Variants in HDGFL2 observed in about 807,000 individuals in gnomAD.
HDGFL2 encodes the protein hepatoma-derived growth factor-related protein 2.
Under a neutral mutation model 77.1 loss-of-function variants are expected in HDGFL2, and 36 were observed. The observed-to-expected ratio is 0.47, with a 90% CI of 0.36 to 0.62. The LOEUF is 0.62. Among genes scored for constraint, HDGFL2 ranks in the 20% least tolerant of loss-of-function variants. HDGFL2 has a pLI of 0.00. For synonymous variants in HDGFL2, 463 were observed against 413.1 expected, an observed-to-expected ratio of 1.12 and a Z score of -1.46; for missense variants, 976 against 973.4, an observed-to-expected ratio of 1.00 and a Z score of -0.04.
At chr19:4,484,088 CTTTT>C (rs577665698) in intron 3 of HDGFL2, among the ~76,000 whole-genome samples, 2 of 122,674 alleles carry the variant, frequency 1.6e-5, no homozygotes, top group Non-Finnish European at 1.7e-5. Context: ...TGCACCCGGC[CTTTT>C]TTTTTTTTTT....
Position 4,472,348 on chromosome 19 carries a change from A to G in HDGFL2, c.-3A>G. On this transcript the variant is annotated 5_prime_UTR_variant, in exon 1 of 16. Coordinates refer to ENST00000616600, the MANE Select transcript of HDGFL2 (RefSeq NM_001001520.3). ...TCCGCGGCCTGGGCCTCTCGCCGTCAGCATGCCACACGCCTTCAAGCCCGG... is the reference window on the plus strand; with the variant it reads ...TCCGCGGCCTGGGCCTCTCGCCGTCGGCATGCCACACGCCTTCAAGCCCGG... 1 of 1,514,706 alleles carries G rather than the reference A, an allele frequency of 6.6e-7. No homozygotes were observed. Among genetic ancestry groups the G allele is most frequent in the Non-Finnish European group, 8.8e-7 (1 of 1,132,438 alleles). The allele number at this position is 1,514,706 out of a possible 1,614,324, so 93.8% of individuals were successfully genotyped here. A position where few individuals can be genotyped will look rare whatever the true frequency, so the allele number is the denominator to read the frequency against.
intron 1 of HDGFL2, among the ~76,000 whole-genome samples, chr19:4,474,304 AG>A (rs2145146800): frequency 1.3e-5 from 2 of 152,194 alleles, no homozygotes; most frequent in South Asian, 4.1e-4. Context: ...TGGGCCTCGG[AG>A]GACCGTGGGC....
chr19:4,475,934 G>T (rs1358972456), intron 3 of HDGFL2, among the ~76,000 whole-genome samples: 1 of 151,562 alleles, frequency 6.6e-6, no homozygotes, highest in African/African-American at 2.4e-5. Context: ...CTGTTGTCCA[G>T]GATGGAGTGC....
chr19:4,496,837 T>A (rs1041204251), intron 10 of HDGFL2: 5 of 388,808 alleles, frequency 1.3e-5, no homozygotes, highest in African/African-American at 1.1e-4. Context: ...GGTCCCCCTG[T>A]GGTGGGCAGA....
At chr19:4,490,024 C>A (rs762643342) in intron 4 of HDGFL2, among the ~76,000 whole-genome samples, 8 of 152,172 alleles carry the variant, frequency 5.3e-5, no homozygotes, top group Non-Finnish European at 1.2e-4. Flanking sequence ...GTCCGCCTTC[C>A]TTCACCAAGC....
At chr19:4,496,191 G>T (rs1975696448) in intron 9 of HDGFL2, 111 bp from the exon 10 acceptor site, 1 of 848,590 alleles carries the variant, frequency 1.2e-6, no homozygotes. Flanking sequence ...TTCAAACAGT[G>T]TGGAGGGCGA....
intron 1 of HDGFL2, among the ~76,000 whole-genome samples, chr19:4,473,020 T>TG (rs1974985010): frequency 6.9e-6 from 1 of 145,024 alleles, no homozygotes. Flanking sequence ...CCTGGGAGTC[T>TG]GGGGGTATCC....
At chr19:4,497,355 A>C in intron 10 of HDGFL2, 1 of 322,086 alleles carries the variant, frequency 3.1e-6, no homozygotes, top group Non-Finnish European at 6.1e-6. Flanking sequence ...GTGCCACCAC[A>C]CCCGGCTAAT....
At chr19:4,491,454 G>A (rs546469747) in intron 4 of HDGFL2, 112 bp from the exon 5 acceptor site, 13 of 846,824 alleles carry the variant, frequency 1.5e-5, no homozygotes, top group African/African-American at 6.8e-5. Flanking sequence ...TTCCTGGCCC[G>A]CCAGAGAGGT....
intron 3 of HDGFL2, among the ~76,000 whole-genome samples, chr19:4,481,687 C>T (rs2145166514): frequency 6.7e-6 from 1 of 150,342 alleles, no homozygotes; most frequent in South Asian, 2.1e-4. Context: ...GAACTCTTGA[C>T]CTCAGGCAGT....
At chr19:4,495,010 T>C (rs956093793) in intron 9 of HDGFL2, among the ~76,000 whole-genome samples, 1 of 151,556 alleles carries the variant, frequency 6.6e-6, no homozygotes, top group African/African-American at 2.4e-5. Flanking sequence ...AAGAGTAAAG[T>C]GGGGTGGGGG....
chr19:4,501,530 G>T, intron 15 of HDGFL2: 1 of 546,218 alleles, frequency 1.8e-6, no homozygotes, highest in South Asian at 2.7e-5. Flanking sequence ...AGGGCTTTGA[G>T]CTGCCTGCCC....
intron 5 of HDGFL2, 34 bp from the exon 6 acceptor site, chr19:4,491,730 G>A: frequency 1.9e-6 from 3 of 1,613,452 alleles, no homozygotes; most frequent in South Asian, 2.2e-5. Flanking sequence ...GTGGCTGCCA[G>A]TGGGCCCCAG....
intron 10 of HDGFL2, 145 bp from the exon 11 acceptor site, chr19:4,497,812 TC>T: frequency 1.5e-6 from 1 of 689,138 alleles, no homozygotes. Context: ...TGGCAGGGCC[TC>T]CCCGCCTCCC....
chr19:4,485,610 C>T (rs1430019682), intron 3 of HDGFL2, among the ~76,000 whole-genome samples: 3 of 151,612 alleles, frequency 2.0e-5, no homozygotes, highest in Non-Finnish European at 2.9e-5. Context: ...GGCGTGGTGG[C>T]GGGTGCCTGT....
chr19:4,494,791 G>T (rs917796266), intron 9 of HDGFL2, among the ~76,000 whole-genome samples: 1 of 152,104 alleles, frequency 6.6e-6, no homozygotes, highest in Non-Finnish European at 1.5e-5. Flanking sequence ...GGTGGTGTGC[G>T]CCTGTATAGT....
intron 3 of HDGFL2, among the ~76,000 whole-genome samples, chr19:4,480,420 C>G (rs1162304741): frequency 6.6e-6 from 1 of 152,108 alleles, no homozygotes; most frequent in East Asian, 1.9e-4. Context: ...GGGGAATAAC[C>G]TCTTAGAAGT....
intron 4 of HDGFL2, 47 bp from the exon 5 acceptor site, chr19:4,491,519 G>C: frequency 6.4e-7 from 1 of 1,555,616 alleles, no homozygotes; most frequent in South Asian, 1.1e-5. Context: ...TTCCTGCCAG[G>C]AGCCCGGCCT....
At chr19:4,475,393 C>T in intron 2 of HDGFL2, 42 bp downstream of exon 2, 1 of 1,614,076 alleles carries the variant, frequency 6.2e-7, no homozygotes, top group Non-Finnish European at 8.5e-7. Flanking sequence ...CCTCTGGTGC[C>T]TCCCGGGGTG....
Sources: allele counts gnomAD v4.1 joint callset (sites outside exome capture counted in the v4.1 genomes callset), GRCh38; gene constraint gnomAD v4.1.1; transcripts MANE v1.5; gene names NCBI Gene and HGNC (gene_info 2026-07-23, HGNC 2026-07-21).